The following FARS2 variants were observed in gnomAD, a reference collection of about 807,000 sequenced individuals.
FARS2 encodes phenylalanine--tRNA ligase, mitochondrial.
FARS2 carries 40 observed loss-of-function variants against 46.4 expected under a neutral mutation model. The observed-to-expected ratio is 0.86, with a 90% CI of 0.67 to 1.12. The LOEUF (loss-of-function observed/expected upper bound fraction) is 1.12, where lower values mean the gene tolerates loss of function less well. FARS2 is among the 50% of genes most tolerant of loss of function. The pLI is 0.00. For missense variants in FARS2, 513 were observed against 567.9 expected, an observed-to-expected ratio of 0.90 and a Z score of 0.98; for synonymous variants, 234 against 214.9, an observed-to-expected ratio of 1.09 and a Z score of -0.78.
At chr6:5,494,235 T>G (rs1438648661) in intron 4 of FARS2, among the ~76,000 whole-genome samples, 1 of 152,000 alleles carries the variant, frequency 6.6e-6, no homozygotes, top group Non-Finnish European at 1.5e-5. Flanking sequence ...TCAGGTTTGG[T>G]TTTAAAAAGT....
intron 2 of FARS2, among the ~76,000 whole-genome samples, chr6:5,382,629 C>G (rs1759863066): frequency 6.6e-6 from 1 of 152,206 alleles, no homozygotes; most frequent in South Asian, 2.1e-4. Context: ...CAGGCTACCA[C>G]TGAAGATCCA....
At chr6:5,552,567 T>C (rs774739417) in intron 5 of FARS2, among the ~76,000 whole-genome samples, 35 of 152,242 alleles carry the variant, frequency 2.3e-4, no homozygotes, top group South Asian at 8.3e-4. Flanking sequence ...AGCAACAGTC[T>C]CTGATTGATG....
At chr6:5,700,533 G>T (rs1758364151) in intron 6 of FARS2, among the ~76,000 whole-genome samples, 1 of 152,084 alleles carries the variant, frequency 6.6e-6, no homozygotes, top group African/African-American at 2.4e-5. Context: ...AAGTAGCTGG[G>T]AATACAGGTG....
At chr6:5,439,573 G>A (rs998083569) in intron 4 of FARS2, among the ~76,000 whole-genome samples, 11 of 152,210 alleles carry the variant, frequency 7.2e-5, no homozygotes, top group Admixed American at 2.0e-4. Context: ...GATTTTGGTC[G>A]TAATCAGAGA....
At position 5,747,361 on chromosome 6, in the gene FARS2, G is replaced by A. The variant is rs181314877; in HGVS notation, c.1218-23930G>A. On this transcript the variant is annotated intron_variant, in intron 6 of 6. Transcript: ENST00000274680. Reference sequence around the variant, plus strand: ...AAGGAGGCAAGGGTGGAAGCAGGGTGCCCAGTTAGACCATTGCAAAAATGT... The same window carrying A: ...AAGGAGGCAAGGGTGGAAGCAGGGTACCCAGTTAGACCATTGCAAAAATGT... Among the ~76,000 whole-genome samples the A allele has an allele frequency of 5.3e-5, 8 of 152,320 alleles. No homozygotes were observed. In the East Asian group the frequency reaches 1.5e-3, roughly 29 times the overall value.
chr6:5,468,747 G>A (rs1487342551), intron 4 of FARS2, among the ~76,000 whole-genome samples: 1 of 152,178 alleles, frequency 6.6e-6, no homozygotes, highest in Non-Finnish European at 1.5e-5. Flanking sequence ...ACAAGAATGC[G>A]ATGCTAGCAT....
chr6:5,458,276 G>A (rs1391516424), intron 4 of FARS2, among the ~76,000 whole-genome samples: 2 of 152,228 alleles, frequency 1.3e-5, no homozygotes, highest in African/African-American at 4.8e-5. Flanking sequence ...AAAGGGGTTT[G>A]TGCAAGAGCT....
chr6:5,618,830 AG>A (rs1288782565), intron 6 of FARS2, among the ~76,000 whole-genome samples: 3 of 152,226 alleles, frequency 2.0e-5, no homozygotes, highest in Non-Finnish European at 4.4e-5. Context: ...GAAGGGGACC[AG>A]GTTGCCATGT....
At chr6:5,504,301 A>G (rs1767977264) in intron 4 of FARS2, among the ~76,000 whole-genome samples, 1 of 152,180 alleles carries the variant, frequency 6.6e-6, no homozygotes, top group Non-Finnish European at 1.5e-5. Context: ...TCAGATATTC[A>G]AAAGAATCAT....
intron 5 of FARS2, among the ~76,000 whole-genome samples, chr6:5,550,962 AC>A (rs770980805): frequency 4.6e-5 from 7 of 152,162 alleles, no homozygotes; most frequent in Non-Finnish European, 7.4e-5. Context: ...GTATAGCTGC[AC>A]TCATGGCTTT....
chr6:5,712,390 AG>A lies in FARS2; in HGVS notation c.1218-58899del, dbSNP rs368274112. Among the ~76,000 whole-genome samples, 491 of 152,350 alleles carry A rather than the reference AG, an allele frequency of 3.2e-3. 3 individuals are homozygous for A. Among genetic ancestry groups the A allele is most frequent in the Middle Eastern group, 0.01 (3 of 294 alleles). ...CCTGTCCAGGACCCTTCTGGTTTCC[AG>A]GCCTCCCAGTCTCTTGCGAGTGGCA... On this transcript the variant is annotated intron_variant, in intron 6 of 6. Coordinates refer to ENST00000274680, the MANE Select transcript of FARS2 (RefSeq NM_006567.5).
At chr6:5,269,797 T>G (rs1765817347) in intron 1 of FARS2, among the ~76,000 whole-genome samples, 1 of 152,224 alleles carries the variant, frequency 6.6e-6, no homozygotes, top group South Asian at 2.1e-4. Context: ...TACATATCGT[T>G]GATAGTATAC....
rs369916259 is a variant in FARS2, at chr6:5,673,230, G to C, written c.1217+59910G>C. Reference sequence around the variant, plus strand: ...GTTGATTATAATCATGTATGTGTCAGTTTCCACGTTTGCGCCTGGAGGGCA... The same window carrying C: ...GTTGATTATAATCATGTATGTGTCACTTTCCACGTTTGCGCCTGGAGGGCA... On this transcript the variant is annotated intron_variant, in intron 6 of 6. Coordinates refer to ENST00000274680, the MANE Select transcript of FARS2 (RefSeq NM_006567.5). 2.2e-3 allele frequency among the ~76,000 whole-genome samples: 328 copies of C among 152,350 alleles called. 21 individuals are homozygous for C. The South Asian group carries it at 0.066, about 30-fold the overall frequency.
chr6:5,653,816 G>T (rs987163205), intron 6 of FARS2, among the ~76,000 whole-genome samples: 1 of 152,244 alleles, frequency 6.6e-6, no homozygotes, highest in African/African-American at 2.4e-5. Flanking sequence ...TTCATGGAGT[G>T]CAGGGAAGAG....
chr6:5,274,538 GAC>G (rs949410121), intron 1 of FARS2, among the ~76,000 whole-genome samples: 16 of 152,310 alleles, frequency 1.1e-4, no homozygotes, highest in African/African-American at 3.8e-4. Context: ...AAGCTCAGCA[GAC>G]ACACATGAAG....
chr6:5,575,745 C>T (rs542287031), intron 5 of FARS2, among the ~76,000 whole-genome samples: 2 of 152,248 alleles, frequency 1.3e-5, no homozygotes, highest in South Asian at 2.1e-4. Context: ...GTTAGTTAAT[C>T]GTGACATTTT....
At chr6:5,323,305 A>G (rs182263993) in intron 1 of FARS2, among the ~76,000 whole-genome samples, 28 of 152,306 alleles carry the variant, frequency 1.8e-4, no homozygotes, top group South Asian at 2.1e-4. Context: ...TTAAAGACCG[A>G]CTGGGTCATT....
chr6:5,545,275 T>C lies in FARS2; in HGVS notation c.1000T>C (p.Cys334Arg). 1.2e-6 allele frequency: 2 copies of C among 1,614,068 alleles called. No individual in the cohort carries two copies. Among genetic ancestry groups the C allele is most frequent in the Non-Finnish European group, 1.7e-6 (2 of 1,179,936 alleles). Reference sequence around the variant, plus strand: ...CATCCCTGATATCCGTCTCTTCTGGTGTGAGGACGAGCGCTTCCTGAAGCA... The same window carrying C: ...CATCCCTGATATCCGTCTCTTCTGGCGTGAGGACGAGCGCTTCCTGAAGCA... ...YDIPDIRLFW[C>R]EDERFLKQFC... Residue 334 changes from cysteine (C) to arginine (R), a missense_variant, in exon 5 of 7, where the codon TGT becomes CGT. By Grantham distance (180) the Cys-to-Arg change is radical (BLOSUM62 -3). Transcript: ENST00000274680.
At chr6:5,757,122 T>G (rs1392372331) in intron 6 of FARS2, among the ~76,000 whole-genome samples, 1 of 152,202 alleles carries the variant, frequency 6.6e-6, no homozygotes, top group African/African-American at 2.4e-5. Flanking sequence ...CTTGAGAAAG[T>G]TGATTATGTT....
Sources: gnomAD v4.1 joint callset for allele counts (sites outside exome capture counted in the v4.1 genomes callset) on GRCh38, gnomAD v4.1.1 for gene constraint, MANE v1.5 for transcripts, NCBI Gene and HGNC (gene_info 2026-07-23, HGNC 2026-07-21) for gene names.